JDP2: variants seen among roughly 807,000 people sequenced by gnomAD.
The protein encoded by JDP2 is progesterone receptor co-activator.
In JDP2, 9 loss-of-function variants were observed where a neutral mutation model predicts 17.1. The ratio of observed to expected loss-of-function variants is 0.53; its 90% CI spans 0.32 to 0.92. The LOEUF (loss-of-function observed/expected upper bound fraction) is 0.92, where lower values mean the gene tolerates loss of function less well. Among genes scored for constraint, JDP2 ranks in the 40% least tolerant of loss-of-function variants. The pLI, the probability that JDP2 is intolerant of heterozygous loss-of-function variation, is 0.04. For missense variants in JDP2, 179 were observed against 220.0 expected, an observed-to-expected ratio of 0.81 and a Z score of 1.18; for synonymous variants, 107 against 95.6, an observed-to-expected ratio of 1.12 and a Z score of -0.69.
At chr14:75,461,339 G>A (rs1206295926) in intron 2 of JDP2, 87 bp from the exon 3 acceptor site, 15 of 975,508 alleles carry the variant, frequency 1.5e-5, no homozygotes, top group East Asian at 2.6e-5. Flanking sequence ...TTAGAAAGGC[G>A]AAGTTGTCCC....
intron 2 of JDP2, among the ~76,000 whole-genome samples, chr14:75,458,652 A>G (rs888433683): frequency 1.3e-5 from 2 of 152,254 alleles, no homozygotes; most frequent in Non-Finnish European, 2.9e-5. Flanking sequence ...TCTTTATGGT[A>G]GAATGATTTA....
At chr14:75,435,570 A>AGAACCCTGGGACCAGGAGTC (rs1257053052) in intron 1 of JDP2, among the ~76,000 whole-genome samples, 6 of 152,226 alleles carry the variant, frequency 3.9e-5, no homozygotes, top group African/African-American at 1.4e-4. Context: ...GCTTTGGTCT[A>AGAACCCTGGGACCAGGAGTC]GAACCCTGGG....
intron 2 of JDP2, among the ~76,000 whole-genome samples, chr14:75,461,225 C>T (rs146897211): frequency 6.6e-6 from 1 of 152,296 alleles, no homozygotes; most frequent in African/African-American, 2.4e-5. Flanking sequence ...CTGACTCCTC[C>T]CTGGGATGCT....
At chr14:75,438,321 C>T (rs1051422782) in intron 2 of JDP2, among the ~76,000 whole-genome samples, 200 bp downstream of exon 2, 4 of 152,082 alleles carry the variant, frequency 2.6e-5, no homozygotes, top group South Asian at 2.1e-4. Flanking sequence ...CCCAGGGATT[C>T]GTGGACGTAT....
intron 2 of JDP2, among the ~76,000 whole-genome samples, chr14:75,458,485 G>A (rs140308474): frequency 6.6e-6 from 1 of 152,040 alleles, no homozygotes; most frequent in Admixed American, 6.5e-5. Context: ...CTATGTTCCC[G>A]CAAAGGACAT....
intron 2 of JDP2, among the ~76,000 whole-genome samples, chr14:75,460,199 G>C (rs1886293293): frequency 6.6e-6 from 1 of 152,176 alleles, no homozygotes; most frequent in South Asian, 2.1e-4. Context: ...CCATTCCAGG[G>C]GTCGTATTTC....
rs1884603824 is a variant in JDP2 at position 75,428,065 on chromosome 14, C to CG, written c.-205dup. 6.7e-6 allele frequency: 1 copy of CG among 148,772 alleles called. No homozygotes were observed. Among genetic ancestry groups the CG allele is most frequent in the Non-Finnish European group, 1.5e-5 (1 of 66,780 alleles). 9.2% of individuals were successfully genotyped at this position (148,772 alleles called of 1,614,324 possible). On this transcript the variant is annotated 5_prime_UTR_variant, in exon 1 of 4. Coordinates refer to ENST00000651602, the MANE Select transcript of JDP2 (RefSeq NM_001135048.2). The surrounding 1 kb of genome is among the most constrained non-coding windows in gnomAD (Gnocchi z 5.6). ...CGGGAGGGACGCTCGGCGGCCGCGA[C>CG]GGGGGGCGCTGGCGGCGGCGGACGC...
chr14:75,444,351 C>T (rs768992101), intron 2 of JDP2, among the ~76,000 whole-genome samples: 8 of 152,254 alleles, frequency 5.3e-5, no homozygotes, highest in African/African-American at 1.9e-4. Context: ...AATCAAAAAC[C>T]TGTTTCTTGG....
chr14:75,465,693 T>C (rs141835542), intron 3 of JDP2, among the ~76,000 whole-genome samples: 179 of 152,324 alleles, frequency 1.2e-3, no homozygotes, highest in African/African-American at 4.1e-3. Flanking sequence ...GGGAGGAAAC[T>C]GAGGCCCAGA....
At chr14:75,446,262 A>C (rs752941535) in intron 2 of JDP2, among the ~76,000 whole-genome samples, 1 of 152,244 alleles carries the variant, frequency 6.6e-6, no homozygotes, top group South Asian at 2.1e-4. Context: ...CAAATGGCTA[A>C]ACAGAGTTCC....
intron 3 of JDP2, among the ~76,000 whole-genome samples, chr14:75,465,123 G>A (rs777533443): frequency 3.3e-5 from 5 of 152,152 alleles, no homozygotes; most frequent in Non-Finnish European, 5.9e-5. Flanking sequence ...ACAATATTCA[G>A]GTTGCCCAGA....
At chr14:75,462,405 A>G (rs1344649074) in intron 3 of JDP2, among the ~76,000 whole-genome samples, 1 of 152,174 alleles carries the variant, frequency 6.6e-6, no homozygotes, top group African/African-American at 2.4e-5. Context: ...AGTTGCCACT[A>G]TTTGTAAAGT....
intron 2 of JDP2, among the ~76,000 whole-genome samples, chr14:75,461,193 G>A (rs1460539765): frequency 6.6e-6 from 1 of 152,218 alleles, no homozygotes; most frequent in Non-Finnish European, 1.5e-5. Context: ...AACCAGAGCA[G>A]AATCCCTGCC....
chr14:75,457,711 T>C (rs567743860), intron 2 of JDP2, among the ~76,000 whole-genome samples: 6 of 152,352 alleles, frequency 3.9e-5, no homozygotes, highest in African/African-American at 1.4e-4. Context: ...AGTTTTTTCC[T>C]GGCCTGCTTA....
At chr14:75,431,100 A>G (rs1006355972) in intron 1 of JDP2, among the ~76,000 whole-genome samples, 1 of 152,170 alleles carries the variant, frequency 6.6e-6, no homozygotes, top group Non-Finnish European at 1.5e-5. Flanking sequence ...TAGGTGTGGT[A>G]GTGTTAACCC....
Position 75,437,974 on chromosome 14 carries a change from G to A in JDP2, c.54G>A (p.Gly18=). 6.2e-7 allele frequency: 1 copy of A among 1,613,512 alleles called. No individual in the cohort carries two copies. The highest frequency in any genetic ancestry group is 8.5e-7 in the Non-Finnish European group (1 of 1,179,770). ...CGGTGACCACAGGCTCCCTGCCAGG[G>A]CTTGGCCCCCTGACCGGGCTCCCCA... ...DPSVTTGSLP[G]LGPLTGLPSS... is the part of the protein sequence containing the mutation. The change falls in exon 2 of 4, where the codon GGG becomes GGA. Residue 18 remains glycine, a synonymous_variant. Coordinates refer to ENST00000651602, the MANE Select transcript of JDP2 (RefSeq NM_001135048.2).
chr14:75,464,226 G>A (rs1175276102), intron 3 of JDP2, among the ~76,000 whole-genome samples: 1 of 152,186 alleles, frequency 6.6e-6, no homozygotes, highest in Non-Finnish European at 1.5e-5. Flanking sequence ...GGATTCTCTT[G>A]TAGTTTATTT....
chr14:75,445,397 C>A, intron 2 of JDP2: 7 of 985,396 alleles, frequency 7.1e-6, no homozygotes, highest in Non-Finnish European at 8.4e-6. Flanking sequence ...GCTACAGGAT[C>A]CCCTTTTACT....
In JDP2 at chr14:75,428,327, G is replaced by A. The variant is rs1285791743; in HGVS notation, c.-24+75G>A. 2 of 148,370 alleles carry A rather than the reference G, an allele frequency of 1.3e-5. No homozygotes were observed. Among genetic ancestry groups the A allele is most frequent in the Non-Finnish European group, 3.0e-5 (2 of 66,610 alleles). 9.2% of individuals were successfully genotyped at this position (148,370 alleles called of 1,614,324 possible). A position where few individuals can be genotyped will look rare whatever the true frequency, so the allele number is the denominator to read the frequency against. On this transcript the variant is annotated intron_variant, in intron 1 of 3. Coordinates refer to ENST00000651602, the MANE Select transcript of JDP2 (RefSeq NM_001135048.2). The surrounding 1 kb of genome is among the most constrained non-coding windows in gnomAD (Gnocchi z 5.6). ...AGGGCGCGGCGCGGGCACCTGGGAC[G>A]GCCGCCCCCGCACGGGCGGAGCGCG... is the stretch of plus-strand genomic sequence containing the variant.
Sources: gnomAD v4.1 joint callset for allele counts (sites outside exome capture counted in the v4.1 genomes callset) on GRCh38, gnomAD v4.1.1 for gene constraint, Gnocchi (gnomAD v3.1) non-coding constraint, MANE v1.5 for transcripts, NCBI Gene and HGNC (gene_info 2026-07-23, HGNC 2026-07-21) for gene names.